Variants in SLC1A6 observed in about 807,000 individuals in gnomAD.
SLC1A6 encodes the protein solute carrier family 1 member 6.
A neutral mutation model predicts 42.1 loss-of-function variants in SLC1A6; 15 were observed. That is an observed-to-expected ratio of 0.36 (90% confidence interval 0.24 to 0.55). The LOEUF (loss-of-function observed/expected upper bound fraction) is 0.55, where lower values mean the gene tolerates loss of function less well. Ranked by LOEUF, SLC1A6 falls within the 20% of genes least tolerant of loss-of-function variation. The probability of loss-of-function intolerance (pLI) is 0.88; values close to 1 mark genes in which losing one functional copy is unlikely to be tolerated. For synonymous variants in SLC1A6, 317 were observed against 319.7 expected, an observed-to-expected ratio of 0.99 and a Z score of 0.09; for missense variants, 542 against 772.5, an observed-to-expected ratio of 0.70 and a Z score of 3.54.
intron 1 of SLC1A6, among the ~76,000 whole-genome samples, chr19:14,992,491 A>G (rs2045825254): frequency 6.6e-6 from 1 of 152,058 alleles, no homozygotes; most frequent in Non-Finnish European, 1.5e-5. Flanking sequence ...CTGTAATCCC[A>G]GCACTTTGGG....
intron 1 of SLC1A6, among the ~76,000 whole-genome samples, chr19:15,008,003 A>C (rs28391374): frequency 0.39 from 58,788 of 149,070 alleles, 12,581 homozygotes; most frequent in East Asian, 0.56. Context: ...CCAGCTTGGG[A>C]AACAAGATCA....
intron 1 of SLC1A6, among the ~76,000 whole-genome samples, chr19:15,001,639 G>T (rs923134849): frequency 2.6e-5 from 4 of 152,090 alleles, no homozygotes; most frequent in Admixed American, 1.3e-4. Flanking sequence ...CCCACCTATT[G>T]GTTGTAAAGC....
intron 2 of SLC1A6, 145 bp downstream of exon 2, chr19:14,972,561 G>T: frequency 1.5e-6 from 1 of 649,972 alleles, no homozygotes; most frequent in Non-Finnish European, 2.8e-6. Context: ...GTCTTTATGT[G>T]GGGGGTTGAG....
At chr19:14,952,051 A>G (rs7250478) in intron 9 of SLC1A6, among the ~76,000 whole-genome samples, 109,473 of 151,090 alleles carry the variant, frequency 0.72, 40,116 homozygotes, top group African/African-American at 0.84. Context: ...AACTCAAGCA[A>G]TCCACCTGCT....
Position 14,979,211 on chromosome 19 carries a change from C to G in SLC1A6, c.-8+98G>C, listed in dbSNP as rs2045746310. ...CTATAAATGCACAAGGCATCGGGCT[C>G]GGTGCTGGAAACGTGCCTGTGTGCG... is the stretch of plus-strand genomic sequence containing the variant. On this transcript the variant is annotated intron_variant, in intron 1 of 9. Coordinates refer to ENST00000594383, the MANE Select transcript of SLC1A6 (RefSeq NM_005071.3). This position sits in a 1 kb window ranked among gnomAD's most constrained non-coding sequence, Gnocchi z 4.2. The G allele has an allele frequency of 6.6e-6, 1 of 152,078 alleles. No individual in the cohort carries two copies. The highest frequency in any genetic ancestry group is 1.5e-5 in the Non-Finnish European group (1 of 68,080). 9.4% of individuals were successfully genotyped at this position (152,078 alleles called of 1,614,324 possible).
At position 14,979,012 on chromosome 19, in the gene SLC1A6, G is replaced by A. The variant is rs1475822306; in HGVS notation, c.-8+297C>T. 6.9e-5 allele frequency among the ~76,000 whole-genome samples: 10 copies of A among 145,322 alleles called. No homozygotes were observed. The East Asian group carries it at 2.1e-3, about 31-fold the overall frequency. On this transcript the variant is annotated intron_variant, in intron 1 of 9. Transcript: ENST00000594383. This position sits in a 1 kb window ranked among gnomAD's most constrained non-coding sequence, Gnocchi z 4.2. ...CAGCTCCACACACCTGTTCAGGACGGCGATCCCACTCACAAATTCAGTCTC... is the reference window on the plus strand; with the variant it reads ...CAGCTCCACACACCTGTTCAGGACGACGATCCCACTCACAAATTCAGTCTC...
chr19:15,002,494 A>G (rs2045876597), intron 1 of SLC1A6, among the ~76,000 whole-genome samples: 1 of 152,188 alleles, frequency 6.6e-6, no homozygotes, highest in African/African-American at 2.4e-5. Flanking sequence ...AACAGAAGCC[A>G]TGATCGCTTT....
In SLC1A6 at chr19:14,972,917, T is replaced by A. The variant is rs1455253990; in HGVS notation, c.-7A>T. 3 of 1,566,102 alleles carry A rather than the reference T, an allele frequency of 1.9e-6. No individual in the cohort carries two copies. Among genetic ancestry groups the A allele is most frequent in the Non-Finnish European group, 2.6e-6 (3 of 1,154,556 alleles). On this transcript the variant is annotated splice_region_variant and 5_prime_UTR_variant, in exon 2 of 10. Transcript: ENST00000594383. ...TGTTGCCATGGCTGCTCATGGTCTA[T>A]CTGCGGGAAACAGAGAAGCCTGGGG...
intron 1 of SLC1A6, among the ~76,000 whole-genome samples, chr19:14,999,840 G>GT (rs35469627): frequency 2.0e-5 from 3 of 151,970 alleles, no homozygotes; most frequent in African/African-American, 7.2e-5. Flanking sequence ...TATAAAATAG[G>GT]TTTTTTTGTT....
At chr19:14,960,628 G>T (rs559607092) in intron 6 of SLC1A6, among the ~76,000 whole-genome samples, 1 of 152,302 alleles carries the variant, frequency 6.6e-6, no homozygotes, top group Non-Finnish European at 1.5e-5. Context: ...TGACAACACA[G>T]ATGAACCTGG....
intron 7 of SLC1A6, 43 bp from the exon 8 acceptor site, chr19:14,954,372 TG>T (rs1479203766): frequency 6.4e-7 from 1 of 1,568,636 alleles, no homozygotes; most frequent in Non-Finnish European, 8.7e-7. Context: ...CGTGGCCTGG[TG>T]GGGGCGGGGC....
rs959760184 is a variant in SLC1A6 at position 14,968,195 on chromosome 19, G to A, written c.548+108C>T. 126 of 891,118 alleles carry A rather than the reference G, an allele frequency of 1.4e-4. 1 individual carries two copies. The highest frequency in any genetic ancestry group is 3.3e-5 in the South Asian group (2 of 59,754). 55.2% of individuals were successfully genotyped at this position (891,118 alleles called of 1,614,324 possible). A position where few individuals can be genotyped will look rare whatever the true frequency, so the allele number is the denominator to read the frequency against. On this transcript the variant is annotated intron_variant, in intron 4 of 9. Transcript: ENST00000594383. ...TGCCCGTCTCTGCTCTTGACCGGAC[G>A]CATGCTTCCCAGCCTGTGGGATGAC...
At chr19:14,958,019 C>T (rs922247120) in intron 6 of SLC1A6, among the ~76,000 whole-genome samples, 2 of 152,150 alleles carry the variant, frequency 1.3e-5, no homozygotes, top group African/African-American at 4.8e-5. Context: ...CACCTGTTTC[C>T]CCCCATAATC....
At chr19:14,988,296 A>G (rs1409060538) in intron 1 of SLC1A6, among the ~76,000 whole-genome samples, 2 of 152,158 alleles carry the variant, frequency 1.3e-5, no homozygotes, top group Non-Finnish European at 2.9e-5. Flanking sequence ...TTTGTGTTTT[A>G]TGGTCTGCTC....
chr19:14,960,598 G>A (rs1375500612), intron 6 of SLC1A6, among the ~76,000 whole-genome samples: 1 of 152,192 alleles, frequency 6.6e-6, no homozygotes, highest in East Asian at 1.9e-4. Context: ...CATAGGAGAT[G>A]AATAAATCCC....
chr19:14,952,903 A>C, intron 9 of SLC1A6, 25 bp downstream of exon 9: 1 of 1,608,842 alleles, frequency 6.2e-7, no homozygotes, highest in South Asian at 1.1e-5. Context: ...CAGGAGCACC[A>C]GGGTCCAGCC....
In SLC1A6 at chr19:14,996,606, G is replaced by A. The variant is rs573684907; in HGVS notation, c.6+13879C>T. Among the ~76,000 whole-genome samples, 28 of 91,174 alleles carry A rather than the reference G, an allele frequency of 3.1e-4. No homozygotes were observed. The South Asian group carries it at 7.8e-3, about 26-fold the overall frequency. The allele number at this position is 91,174 out of a possible 152,430, so 59.8% of individuals were successfully genotyped here. A position where few individuals can be genotyped will look rare whatever the true frequency, so the allele number is the denominator to read the frequency against. On this transcript the variant is annotated intron_variant, in intron 1 of 8. Coordinates refer to the SLC1A6 transcript ENST00000430939. ...TCTTCCTCTCATTGTACCTTAAGCC[G>A]TTACTTCTATCTGACATGATTTTGA...
At chr19:15,005,770 A>T (rs1040422932) in intron 1 of SLC1A6, among the ~76,000 whole-genome samples, 1 of 152,252 alleles carries the variant, frequency 6.6e-6, no homozygotes, top group African/African-American at 2.4e-5. Flanking sequence ...AAACTAATAA[A>T]AAGCCAGAAT....
intron 1 of SLC1A6, among the ~76,000 whole-genome samples, chr19:14,996,220 T>C (rs2045845077): frequency 1.3e-5 from 2 of 152,234 alleles, no homozygotes; most frequent in African/African-American, 4.8e-5. Flanking sequence ...ACAAGTATTG[T>C]ATGATTCAAC....
Sources: gnomAD v4.1 joint callset for allele counts (sites outside exome capture counted in the v4.1 genomes callset) on GRCh38, gnomAD v4.1.1 for gene constraint, Gnocchi (gnomAD v3.1) non-coding constraint, MANE v1.5 for transcripts, NCBI Gene and HGNC (gene_info 2026-07-23, HGNC 2026-07-21) for gene names.